Variants in COL5A2 observed in about 807,000 individuals in gnomAD.
COL5A2 encodes the protein collagen alpha-2(V) chain.
Under a neutral mutation model 208.2 loss-of-function variants are expected in COL5A2, and 23 were observed. That is an observed-to-expected ratio of 0.11 (90% CI 0.08 to 0.16). COL5A2 has a LOEUF of 0.16. Among genes scored for constraint, COL5A2 ranks in the 10% least tolerant of loss-of-function variants. COL5A2 has a pLI of 1.00. For missense variants in COL5A2, 1,590 were observed against 1,956.4 expected (o/e 0.81, Z 3.53); for synonymous variants, 625 against 628.5 (o/e 0.99, Z 0.08).
intron 1 of COL5A2, among the ~76,000 whole-genome samples, chr2:189,149,977 A>G (rs980815366): frequency 6.6e-6 from 1 of 152,234 alleles, no homozygotes; most frequent in African/African-American, 2.4e-5. Context: ...TTATGGCAAT[A>G]TAATTTCAAG....
At chr2:189,287,381 G>C in the COL5A2 span, among the ~76,000 whole-genome samples, 1 of 151,934 alleles carries the variant, frequency 6.6e-6, no homozygotes, top group Non-Finnish European at 1.5e-5. Flanking sequence ...TATGGGCATG[G>C]AAGTGGCACA....
the COL5A2 span, among the ~76,000 whole-genome samples, chr2:189,306,655 A>C: frequency 1.3e-5 from 2 of 152,178 alleles, no homozygotes; most frequent in Non-Finnish European, 2.9e-5. Flanking sequence ...TTATTACCCA[A>C]CAAGTCACCA....
At chr2:189,353,592 G>A in the COL5A2 span, among the ~76,000 whole-genome samples, 1 of 152,110 alleles carries the variant, frequency 6.6e-6, no homozygotes, top group Non-Finnish European at 1.5e-5. Flanking sequence ...CTTTCTGTTT[G>A]TCTGTTATTG....
chr2:189,066,820 A>C, intron 21 of COL5A2, 38 bp from the exon 22 acceptor site: 1 of 1,492,840 alleles, frequency 6.7e-7, no homozygotes, highest in Non-Finnish European at 9.4e-7. Flanking sequence ...GAACCAGGAC[A>C]TTTAGCTAGT....
the COL5A2 span, among the ~76,000 whole-genome samples, chr2:189,410,730 A>T: frequency 2.0e-5 from 3 of 152,172 alleles, no homozygotes; most frequent in Non-Finnish European, 4.4e-5. Flanking sequence ...TTATGTTTAC[A>T]TAACAAAACA....
chr2:189,346,935 G>T, the COL5A2 span, among the ~76,000 whole-genome samples: 1 of 152,158 alleles, frequency 6.6e-6, no homozygotes, highest in African/African-American at 2.4e-5. Context: ...CACAATGGAG[G>T]CCACCAACTA....
intron 1 of COL5A2, among the ~76,000 whole-genome samples, chr2:189,172,278 T>G (rs1688587027): frequency 6.6e-6 from 1 of 152,070 alleles, no homozygotes; most frequent in Non-Finnish European, 1.5e-5. Context: ...AGAGCATGAC[T>G]GATGGAACAA....
chr2:189,320,574 A>G, the COL5A2 span, among the ~76,000 whole-genome samples: 2 of 152,218 alleles, frequency 1.3e-5, no homozygotes, highest in Non-Finnish European at 2.9e-5. Flanking sequence ...CAGTGATTGA[A>G]GATCAAATGA....
At chr2:189,109,842 T>C (rs1365229927) in intron 2 of COL5A2, among the ~76,000 whole-genome samples, 2 of 152,186 alleles carry the variant, frequency 1.3e-5, no homozygotes, top group Non-Finnish European at 2.9e-5. Context: ...AAAGTTGGCA[T>C]CATTGTAGAT....
chr2:189,349,662 T>G, the COL5A2 span, among the ~76,000 whole-genome samples: 3 of 152,198 alleles, frequency 2.0e-5, no homozygotes, highest in Non-Finnish European at 2.9e-5. Context: ...TTTATGTTTA[T>G]GTTTAGGTTT....
intron 45 of COL5A2, 24 bp from the exon 46 acceptor site, chr2:189,045,931 A>G: frequency 1.3e-6 from 2 of 1,574,760 alleles, no homozygotes; most frequent in Non-Finnish European, 1.7e-6. Context: ...CCATGATATT[A>G]TTTTTTAACA....
the COL5A2 span, among the ~76,000 whole-genome samples, chr2:189,263,902 A>C: frequency 6.6e-6 from 1 of 152,140 alleles, no homozygotes; most frequent in Non-Finnish European, 1.5e-5. Context: ...ATATATCTCC[A>C]TCATTAAGTG....
intron 1 of COL5A2, among the ~76,000 whole-genome samples, chr2:189,118,678 C>G (rs186595079): frequency 2.6e-5 from 4 of 152,136 alleles, no homozygotes; most frequent in Non-Finnish European, 5.9e-5. Context: ...ATTATTCCCT[C>G]TGGAGCTCAG....
intron 33 of COL5A2, 61 bp from the exon 34 acceptor site, chr2:189,057,488 G>T (rs558656598): frequency 3.2e-6 from 4 of 1,264,892 alleles, no homozygotes; most frequent in Non-Finnish European, 4.6e-6. Context: ...TAATGAAATT[G>T]CTTTTTAGTG....
intron 1 of COL5A2, among the ~76,000 whole-genome samples, chr2:189,188,471 T>G (rs1366099429): frequency 6.6e-6 from 1 of 152,222 alleles, no homozygotes; most frequent in Admixed American, 6.5e-5. Context: ...TCATTCTTAA[T>G]CATTCATCCA....
the COL5A2 span, among the ~76,000 whole-genome samples, chr2:189,392,257 T>C: frequency 6.6e-6 from 1 of 152,074 alleles, no homozygotes; most frequent in Admixed American, 6.6e-5. Flanking sequence ...AATGAGTACC[T>C]TTACAATGTT....
At chr2:189,396,608 A>C in the COL5A2 span, among the ~76,000 whole-genome samples, 1 of 145,018 alleles carries the variant, frequency 6.9e-6, no homozygotes, top group Non-Finnish European at 1.5e-5. Context: ...CGGGAGGCGG[A>C]GCTTGCAGTG....
the COL5A2 span, among the ~76,000 whole-genome samples, chr2:189,308,383 C>T: frequency 6.6e-6 from 1 of 152,216 alleles, no homozygotes; most frequent in East Asian, 1.9e-4. Context: ...TCTAATATAG[C>T]ATCACATAAC....
intron 16 of COL5A2, among the ~76,000 whole-genome samples, chr2:189,077,003 C>T (rs1442183227): frequency 6.6e-6 from 1 of 152,042 alleles, no homozygotes; most frequent in East Asian, 1.9e-4. Flanking sequence ...GAGTTCAAGG[C>T]TACAGTGAGC....
Sources: gnomAD v4.1 joint callset for allele counts (sites outside exome capture counted in the v4.1 genomes callset) on GRCh38, gnomAD v4.1.1 for gene constraint, MANE v1.5 for transcripts, NCBI Gene and HGNC (gene_info 2026-07-23, HGNC 2026-07-21) for gene names.